ZBTB20: variants seen among roughly 807,000 people sequenced by gnomAD.
The protein encoded by ZBTB20 is zinc finger and BTB domain containing 20, also known as zinc finger and BTB domain-containing protein 20.
In ZBTB20, 9 loss-of-function variants were observed where a neutral mutation model predicts 56.9. That is an observed-to-expected ratio of 0.16 (90% CI 0.10 to 0.28). ZBTB20 has a LOEUF of 0.28. Among genes scored for constraint, ZBTB20 ranks in the 10% least tolerant of loss-of-function variants. The pLI, the probability that ZBTB20 is intolerant of heterozygous loss-of-function variation, is 1.00. For missense variants in ZBTB20, 655 were observed against 1,003.0 expected, an observed-to-expected ratio of 0.65 and a Z score of 4.69; for synonymous variants, 417 against 420.7, an observed-to-expected ratio of 0.99 and a Z score of 0.11.
At chr3:114,909,842 C>A (rs1318960995) in intron 3 of ZBTB20, among the ~76,000 whole-genome samples, 1 of 151,510 alleles carries the variant, frequency 6.6e-6, no homozygotes, top group Non-Finnish European at 1.5e-5. Context: ...AGTTAATATG[C>A]TAAAAAGAAA....
rs545730275 is a variant in ZBTB20, at chr3:114,607,555, G to A, written c.-295+85973C>T. On this transcript the variant is annotated intron_variant, in intron 6 of 11. Coordinates refer to ENST00000675478, the MANE Select transcript of ZBTB20 (RefSeq NM_001348800.3). The stretch of plus-strand genomic sequence containing the variant: ...CGACCTCAGGTGATCCACCCGCCTC[G>A]GCCTCCCAAAGTGCTGGGATTACAG... Among the ~76,000 whole-genome samples, 20 of 151,926 alleles carry A rather than the reference G, an allele frequency of 1.3e-4. No individual in the cohort carries two copies. The East Asian group carries it at 1.9e-3, about 15-fold the overall frequency.
chr3:114,923,923 A>G (rs1191050242), intron 3 of ZBTB20, among the ~76,000 whole-genome samples: 1 of 152,180 alleles, frequency 6.6e-6, no homozygotes, highest in Non-Finnish European at 1.5e-5. Context: ...CTGAATAGAC[A>G]TTTTTCCAAA....
chr3:114,871,285 C>A (rs2076000121), intron 4 of ZBTB20, among the ~76,000 whole-genome samples: 1 of 152,104 alleles, frequency 6.6e-6, no homozygotes, highest in Admixed American at 6.6e-5. Context: ...TCAGGGCAAT[C>A]TATGATCTCT....
intron 2 of ZBTB20, among the ~76,000 whole-genome samples, chr3:115,030,420 C>T (rs1357729115): frequency 1.3e-5 from 2 of 151,186 alleles, no homozygotes; most frequent in African/African-American, 4.8e-5. Context: ...TGTATTACTC[C>T]ACCCCTATGA....
intron 2 of ZBTB20, among the ~76,000 whole-genome samples, chr3:115,059,419 G>C (rs2108469912): frequency 6.6e-6 from 1 of 152,176 alleles, no homozygotes; most frequent in East Asian, 1.9e-4. Flanking sequence ...TATCCTTTTT[G>C]GGATCTCATT....
chr3:114,320,332 A>C lies in ZBTB20; in HGVS notation c.*18673T>G, dbSNP rs2078850332. The C allele has an allele frequency of 6.6e-6, 1 of 152,212 alleles. No homozygotes were observed. The highest frequency in any genetic ancestry group is 1.5e-5 in the Non-Finnish European group (1 of 68,040). The allele number at this position is 152,212 out of a possible 1,614,324, so 9.4% of individuals were successfully genotyped here. The stretch of plus-strand genomic sequence containing the variant: ...AGTGCATTAAACAAATTTTAAATTA[A>C]AAGAAGAAATAAACGTTTCCCCCCA... On this transcript the variant is annotated 3_prime_UTR_variant, in exon 12 of 12. Transcript: ENST00000675478.
At chr3:114,840,947 A>C (rs2074360841) in intron 4 of ZBTB20, among the ~76,000 whole-genome samples, 1 of 152,212 alleles carries the variant, frequency 6.6e-6, no homozygotes, top group Admixed American at 6.5e-5. Context: ...AAAAATTAAA[A>C]ATTTTAAAAA....
rs533170821 is a variant in ZBTB20, at chr3:115,109,350, G to A, written c.-703+37869C>T. On this transcript the variant is annotated intron_variant, in intron 1 of 11. Transcript: ENST00000675478. ...AGATGTTTGTCAAGCAGGTTGGTGA[G>A]ATCCTTACTGTTTGACCTGGTGCGG... is the stretch of plus-strand genomic sequence containing the variant. 1.6e-4 allele frequency among the ~76,000 whole-genome samples: 25 copies of A among 152,260 alleles called. No individual in the cohort carries two copies. In the South Asian group the frequency reaches 5.2e-3, roughly 32 times the overall value.
At chr3:114,410,551 C>T (rs1392315857) in intron 7 of ZBTB20, among the ~76,000 whole-genome samples, 1 of 152,124 alleles carries the variant, frequency 6.6e-6, no homozygotes, top group Non-Finnish European at 1.5e-5. Context: ...AGGGCCAGAG[C>T]CCCCTCTCCC....
At chr3:114,996,490 G>GAATGATGGTTT (rs1050507419) in intron 2 of ZBTB20, among the ~76,000 whole-genome samples, 3 of 151,862 alleles carry the variant, frequency 2.0e-5, no homozygotes, top group African/African-American at 7.3e-5. Context: ...AGTTTGCTGA[G>GAATGATGGTTT]AATGATGGTT....
At chr3:115,078,604 T>TGTGG (rs2108531534) in intron 1 of ZBTB20, among the ~76,000 whole-genome samples, 1 of 136,384 alleles carries the variant, frequency 7.3e-6, no homozygotes, top group Non-Finnish European at 1.5e-5. Context: ...TATGTGTGTG[T>TGTGG]GTGTGTGTGT....
chr3:114,750,295 C>T (rs905046229), intron 5 of ZBTB20, among the ~76,000 whole-genome samples: 6 of 152,092 alleles, frequency 3.9e-5, no homozygotes, highest in Non-Finnish European at 8.8e-5. Context: ...GAAATAGGCC[C>T]TAGCCTGCAG....
chr3:114,768,246 C>T (rs1241414824), intron 5 of ZBTB20, among the ~76,000 whole-genome samples: 2 of 151,888 alleles, frequency 1.3e-5, no homozygotes, highest in Admixed American at 1.3e-4. Context: ...TTCATTGTTC[C>T]TGGAATTTAG....
intron 4 of ZBTB20, among the ~76,000 whole-genome samples, chr3:114,826,792 A>G (rs916460374): frequency 6.6e-6 from 1 of 151,780 alleles, no homozygotes; most frequent in Non-Finnish European, 1.5e-5. Context: ...TGGAAGTTAC[A>G]TATTTTCTTT....
At chr3:114,907,803 G>A (rs2075377751) in intron 3 of ZBTB20, among the ~76,000 whole-genome samples, 1 of 151,980 alleles carries the variant, frequency 6.6e-6, no homozygotes, top group South Asian at 2.1e-4. Flanking sequence ...GGTGATTTAG[G>A]AGTGAACAAA....
chr3:114,537,208 A>C (rs2048568653), intron 6 of ZBTB20, among the ~76,000 whole-genome samples: 2 of 152,246 alleles, frequency 1.3e-5, no homozygotes, highest in Non-Finnish European at 2.9e-5. Flanking sequence ...GGCAACCTAC[A>C]GAATGGGAGA....
intron 7 of ZBTB20, among the ~76,000 whole-genome samples, chr3:114,472,228 T>C (rs1203453965): frequency 2.0e-5 from 3 of 152,158 alleles, no homozygotes; most frequent in African/African-American, 2.4e-5. Flanking sequence ...TTAGAGTAAC[T>C]CCTCAAAACA....
At chr3:114,591,348 T>C (rs1259437348) in intron 6 of ZBTB20, among the ~76,000 whole-genome samples, 3 of 152,214 alleles carry the variant, frequency 2.0e-5, no homozygotes, top group Non-Finnish European at 4.4e-5. Flanking sequence ...TTTCACACTC[T>C]TGATAAACTT....
At chr3:114,642,104 T>A (rs2107923284) in intron 6 of ZBTB20, among the ~76,000 whole-genome samples, 1 of 152,146 alleles carries the variant, frequency 6.6e-6, no homozygotes, top group East Asian at 1.9e-4. Flanking sequence ...TCACTGATGA[T>A]CCTTTATTTT....
Sources: allele counts gnomAD v4.1 joint callset (sites outside exome capture counted in the v4.1 genomes callset), GRCh38; gene constraint gnomAD v4.1.1; transcripts MANE v1.5; gene names NCBI Gene and HGNC (gene_info 2026-07-23, HGNC 2026-07-21).